The following LRRC37A2 variants were observed in gnomAD, a reference collection of about 807,000 sequenced individuals.
The protein encoded by LRRC37A2 is leucine-rich repeat-containing protein 37A2.
A neutral mutation model predicts 68.8 loss-of-function variants in LRRC37A2; 9 were observed. The ratio of observed to expected loss-of-function variants is 0.13; its 90% confidence interval spans 0.08 to 0.23. LRRC37A2 has a LOEUF of 0.23. LRRC37A2 is among the 10% of genes least tolerant of loss of function. The pLI is 1.00. For missense variants in LRRC37A2, 168 were observed against 950.4 expected, an observed-to-expected ratio of 0.18 and a Z score of 10.82; for synonymous variants, 63 against 367.6, an observed-to-expected ratio of 0.17 and a Z score of 9.48.
chr17:46,818,849 G>T, the LRRC37A2 span: 4 of 548,564 alleles, frequency 7.3e-6, no homozygotes, highest in Non-Finnish European at 9.7e-6. Flanking sequence ...TCAATCACGC[G>T]CCCCTCCCGC....
At chr17:46,712,705 G>C in the LRRC37A2 span, among the ~76,000 whole-genome samples, 1 of 152,126 alleles carries the variant, frequency 6.6e-6, no homozygotes, top group Non-Finnish European at 1.5e-5. Context: ...TACAGTGAGG[G>C]TGTGGGTTGA....
chr17:46,872,618 T>A, the LRRC37A2 span: 1 of 1,613,290 alleles, frequency 6.2e-7, no homozygotes, highest in East Asian at 2.2e-5. Flanking sequence ...CTGCTGAAGC[T>A]GTCCCGGCGG....
chr17:46,543,404 G>C (rs2055758979), intron 8 of LRRC37A2, among the ~76,000 whole-genome samples: 1 of 150,938 alleles, frequency 6.6e-6, no homozygotes, highest in Non-Finnish European at 1.5e-5. Context: ...GGAGACTAAA[G>C]AATCATGTAC....
At chr17:46,829,529 C>T in the LRRC37A2 span, among the ~76,000 whole-genome samples, 1 of 152,178 alleles carries the variant, frequency 6.6e-6, no homozygotes, top group African/African-American at 2.4e-5. Context: ...AGTCTCCCCT[C>T]TGCCCTTCAT....
At chr17:46,721,920 A>C in the LRRC37A2 span, 5 of 1,594,448 alleles carry the variant, frequency 3.1e-6, no homozygotes, top group Non-Finnish European at 4.3e-6. Flanking sequence ...TTTTTCTCCA[A>C]TTCGCGTACT....
the LRRC37A2 span, among the ~76,000 whole-genome samples, chr17:46,997,618 A>T: frequency 2.0e-5 from 3 of 152,216 alleles, no homozygotes; most frequent in African/African-American, 7.2e-5. Flanking sequence ...ATGGATTTGC[A>T]ATAATCAAAA....
At chr17:46,870,435 G>T in the LRRC37A2 span, among the ~76,000 whole-genome samples, 1 of 152,176 alleles carries the variant, frequency 6.6e-6, no homozygotes, top group Non-Finnish European at 1.5e-5. Context: ...AGACCTGGTG[G>T]ACTGGAAAAT....
the LRRC37A2 span, among the ~76,000 whole-genome samples, chr17:46,789,191 A>C: frequency 1.3e-5 from 2 of 151,988 alleles, no homozygotes; most frequent in Non-Finnish European, 2.9e-5. Context: ...TCTCCTCTTT[A>C]TGGGGGCCCA....
chr17:46,680,274 A>T, the LRRC37A2 span, among the ~76,000 whole-genome samples: 8 of 152,000 alleles, frequency 5.3e-5, no homozygotes, highest in African/African-American at 1.9e-4. Flanking sequence ...TTATATATTC[A>T]TGCAAAAACA....
At chr17:46,776,135 G>A in the LRRC37A2 span, among the ~76,000 whole-genome samples, 2 of 152,224 alleles carry the variant, frequency 1.3e-5, no homozygotes, top group East Asian at 3.9e-4. Flanking sequence ...GGAACCCAGG[G>A]TGTCAGACTC....
At chr17:46,746,612 A>G in the LRRC37A2 span, among the ~76,000 whole-genome samples, 1 of 152,270 alleles carries the variant, frequency 6.6e-6, no homozygotes, top group East Asian at 1.9e-4. Flanking sequence ...CTAGTGACAT[A>G]AGTTTAAAAC....
chr17:46,719,660 A>G, the LRRC37A2 span, among the ~76,000 whole-genome samples: 2 of 152,048 alleles, frequency 1.3e-5, no homozygotes, highest in Non-Finnish European at 2.9e-5. The surrounding 1 kb of genome is among the most constrained non-coding windows in gnomAD (Gnocchi z 4.3). Context: ...ACTTCATTCT[A>G]TTTTTAAATT....
At chr17:47,020,549 G>A in the LRRC37A2 span, among the ~76,000 whole-genome samples, 4 of 151,190 alleles carry the variant, frequency 2.6e-5, no homozygotes, top group South Asian at 6.3e-4. Context: ...GGAGGCCGAG[G>A]TGGGCGGATC....
chr17:46,498,893 C>A, the LRRC37A2 span, among the ~76,000 whole-genome samples: 2 of 150,600 alleles, frequency 1.3e-5, no homozygotes, highest in Admixed American at 1.3e-4. Flanking sequence ...GTATATATAT[C>A]TACATATATA....
chr17:46,831,883 C>G, the LRRC37A2 span, among the ~76,000 whole-genome samples: 8 of 152,248 alleles, frequency 5.3e-5, no homozygotes, highest in Non-Finnish European at 8.8e-5. Context: ...CTCTGCTTCC[C>G]CGTGATCCCT....
At chr17:46,679,687 C>A in the LRRC37A2 span, among the ~76,000 whole-genome samples, 1 of 134,514 alleles carries the variant, frequency 7.4e-6, no homozygotes, top group Non-Finnish European at 1.6e-5. Flanking sequence ...AGTGAAACTC[C>A]ATGTCAAAAA....
chr17:46,873,135 A>C, the LRRC37A2 span, among the ~76,000 whole-genome samples: 27 of 147,288 alleles, frequency 1.8e-4, no homozygotes, highest in Non-Finnish European at 2.1e-4. Flanking sequence ...CACACACACG[A>C]AACAAGGCAC....
the LRRC37A2 span, among the ~76,000 whole-genome samples, chr17:46,947,941 C>G: frequency 1.3e-5 from 2 of 152,028 alleles, no homozygotes; most frequent in South Asian, 2.1e-4. Flanking sequence ...GCTAATTTTT[C>G]GTGTTTTTAC....
the LRRC37A2 span, chr17:46,968,715 T>A: frequency 6.6e-6 from 1 of 152,528 alleles, no homozygotes; most frequent in East Asian, 1.9e-4. Context: ...CCAGCACCTC[T>A]ACAATGGCCA....
Sources: gnomAD v4.1 joint callset for allele counts (sites outside exome capture counted in the v4.1 genomes callset) on GRCh38, gnomAD v4.1.1 for gene constraint, Gnocchi (gnomAD v3.1) non-coding constraint, MANE v1.5 for transcripts, NCBI Gene and HGNC (gene_info 2026-07-23, HGNC 2026-07-21) for gene names.